GABRP: variants seen among roughly 807,000 people sequenced by gnomAD.
The protein encoded by GABRP is gamma-aminobutyric acid receptor subunit pi.
A neutral mutation model predicts 47.8 loss-of-function variants in GABRP; 52 were observed. The observed-to-expected ratio is 1.09, with a 90% confidence interval of 0.87 to 1.37. The LOEUF is 1.37. GABRP is among the 40% of genes most tolerant of loss of function. The pLI is 0.00. For synonymous variants in GABRP, 221 were observed against 205.8 expected (o/e 1.07, Z -0.63); for missense variants, 525 against 542.8 (o/e 0.97, Z 0.33).
intron 9 of GABRP, among the ~76,000 whole-genome samples, chr5:170,811,042 A>G (rs1765869475): frequency 6.6e-6 from 1 of 151,530 alleles, no homozygotes; most frequent in Non-Finnish European, 1.5e-5. Context: ...TGTGTATATG[A>G]TAATCACTGC....
At chr5:170,788,359 AAAATT>A in intron 1 of GABRP, 1 of 404,108 alleles carries the variant, frequency 2.5e-6, no homozygotes, top group Non-Finnish European at 4.2e-6. Context: ...AAAAAAATAA[AAAATT>A]AAAAAAAAAA....
intron 3 of GABRP, among the ~76,000 whole-genome samples, chr5:170,792,365 C>A (rs555141969): frequency 2.3e-4 from 35 of 151,980 alleles, no homozygotes; most frequent in African/African-American, 8.4e-4. Flanking sequence ...TCACTTGAAT[C>A]CAGGAGGCAG....
At chr5:170,804,206 AT>A (rs1765669365) in intron 6 of GABRP, among the ~76,000 whole-genome samples, 1 of 128,948 alleles carries the variant, frequency 7.8e-6, no homozygotes, top group Non-Finnish European at 1.6e-5. Context: ...ATATATATAT[AT>A]ATATTCATGT....
chr5:170,807,581 C>T (rs770380596), intron 7 of GABRP, among the ~76,000 whole-genome samples: 27 of 152,068 alleles, frequency 1.8e-4, no homozygotes, highest in African/African-American at 2.4e-4. Flanking sequence ...CCTGGACCAA[C>T]GGGCAAAAGA....
intron 1 of GABRP, 200 bp from the exon 2 acceptor site, chr5:170,788,374 A>AC: frequency 2.4e-6 from 1 of 418,938 alleles, no homozygotes; most frequent in Non-Finnish European, 4.2e-6. Context: ...TAAAAAAAAA[A>AC]AAAACATAAT....
At chr5:170,795,171 C>A (rs903769000) in intron 4 of GABRP, 37 bp from the exon 5 acceptor site, 1 of 1,468,446 alleles carries the variant, frequency 6.8e-7, no homozygotes, top group Admixed American at 1.7e-5. Flanking sequence ...TCACCCACTA[C>A]CCCCATCCAT....
chr5:170,792,730 A>G (rs1765308887), intron 3 of GABRP, among the ~76,000 whole-genome samples: 1 of 152,030 alleles, frequency 6.6e-6, no homozygotes, highest in African/African-American at 2.4e-5. Context: ...TGGCTCTAAC[A>G]CTTCATTTTC....
chr5:170,800,694 C>T (rs1049126604), intron 6 of GABRP, among the ~76,000 whole-genome samples: 2 of 152,060 alleles, frequency 1.3e-5, no homozygotes, highest in East Asian at 3.9e-4. Flanking sequence ...GCCTATAATC[C>T]CAGCACTTTG....
rs116424549 is a variant in GABRP at position 170,794,371 on chromosome 5, C to T, written c.240+73C>T. On this transcript the variant is annotated intron_variant, in intron 4 of 9. Coordinates refer to ENST00000265294, the MANE Select transcript of GABRP (RefSeq NM_014211.3). ...GTTTAAAGGGGATATGCTTTCTAGCCGCTCAAAAAAAAAAAAAAAAAAAAA... is the reference window on the plus strand; with the variant it reads ...GTTTAAAGGGGATATGCTTTCTAGCTGCTCAAAAAAAAAAAAAAAAAAAAA... 5.3e-4 allele frequency: 338 copies of T among 637,082 alleles called. 2 individuals are homozygous for T. The African/African-American group carries it at 7.6e-3, about 14-fold the overall frequency. 39.5% of individuals were successfully genotyped at this position (637,082 alleles called of 1,614,324 possible).
rs761569989 is a variant in GABRP, at chr5:170,811,957, G to T, written c.1022G>T (p.Gly341Val). The change falls in exon 10 of 10, where the codon GGG (glycine) becomes GTG (valine). Residue 341 changes from glycine (G) to valine (V), a missense_variant and splice_region_variant. Physicochemically the swap from Gly to Val is moderately radical, Grantham distance 109. Transcript: ENST00000265294. ...SLQQMAAKDR[G>V]TTKEVEEVSI... ...CTAACTGCATTGTCTATGAACTAGG[G>T]GACAACAAAGGAAGTAGAAGAAGTC... 6 of 1,612,868 alleles carry T rather than the reference G, an allele frequency of 3.7e-6. No individual in the cohort carries two copies. The South Asian group carries it at 6.6e-5, about 18-fold the overall frequency.
intron 7 of GABRP, among the ~76,000 whole-genome samples, chr5:170,806,630 A>G (rs1765744262): frequency 6.6e-6 from 1 of 151,958 alleles, no homozygotes; most frequent in African/African-American, 2.4e-5. Flanking sequence ...TTTGGTAGAG[A>G]GGGGTTTCGC....
intron 7 of GABRP, among the ~76,000 whole-genome samples, chr5:170,806,230 G>A (rs1413294614): frequency 2.6e-5 from 4 of 152,142 alleles, no homozygotes; most frequent in Non-Finnish European, 5.9e-5. Context: ...TGCCCAACAA[G>A]AGCATGAACA....
chr5:170,789,508 C>T (rs528267016), intron 3 of GABRP, among the ~76,000 whole-genome samples: 4 of 152,138 alleles, frequency 2.6e-5, no homozygotes, highest in Non-Finnish European at 4.4e-5. Flanking sequence ...CACACACTGT[C>T]GTCCTCCTGC....
intron 5 of GABRP, among the ~76,000 whole-genome samples, chr5:170,797,216 T>A (rs1765455266): frequency 6.6e-6 from 1 of 152,270 alleles, no homozygotes; most frequent in African/African-American, 2.4e-5. Flanking sequence ...TGTTCTGTGA[T>A]ACTGCCAGAA....
At position 170,795,214 on chromosome 5, in the gene GABRP, A is replaced by T. The variant is rs1246004297; in HGVS notation, c.247A>T (p.Thr83Ser). ...SSISESNMDY[T>S]ATIYLRQRWM... ...CCCTGCCTCCCCCTCCCAGGACTAC[A>T]CAGCCACCATATACCTCCGACAGCG... Residue 83 changes from threonine to serine, a missense_variant, in exon 5 of 10, where the codon ACA becomes TCA. Thr to Ser is a moderately conservative substitution (Grantham distance 58). Coordinates refer to ENST00000265294, the MANE Select transcript of GABRP (RefSeq NM_014211.3). 2.9e-5 allele frequency: 47 copies of T among 1,612,162 alleles called. No individual in the cohort carries two copies. The highest frequency in any genetic ancestry group is 3.6e-5 in the Non-Finnish European group (43 of 1,179,322).
chr5:170,808,672 T>C lies in GABRP; in HGVS notation c.752T>C (p.Val251Ala). ...CTGTATTTCATTTTGGAAACCTACG[T>C]TCCTTCCACTTTCCTGGTGGTGTTG... is the stretch of plus-strand genomic sequence containing the variant. ...NVLYFILETY[V>A]PSTFLVVLSW... is the part of the protein sequence containing the mutation. Residue 251 changes from valine (V) to alanine (A), a missense_variant, in exon 8 of 10, where the codon GTT becomes GCT. Physicochemically the swap from Val to Ala is moderately conservative, Grantham distance 64 (BLOSUM62 0). Coordinates refer to ENST00000265294, the MANE Select transcript of GABRP (RefSeq NM_014211.3). 1 of 1,614,022 alleles carries C rather than the reference T, an allele frequency of 6.2e-7. No individual in the cohort carries two copies. The highest frequency in any genetic ancestry group is 8.5e-7 in the Non-Finnish European group (1 of 1,179,852).
At chr5:170,807,230 G>A (rs10061513) in intron 7 of GABRP, among the ~76,000 whole-genome samples, 31,627 of 152,200 alleles carry the variant, frequency 0.21, 3,507 homozygotes, top group East Asian at 0.27. Context: ...TTACAGACAT[G>A]AGCCACCAAG....
At position 170,795,228 on chromosome 5, in the gene GABRP, C is replaced by T; in HGVS notation, c.261C>T (p.Tyr87=). 1 of 1,613,400 alleles carries T rather than the reference C, an allele frequency of 6.2e-7. No homozygotes were observed. Residue 87 remains tyrosine, a synonymous_variant, in exon 5 of 10, where the codon TAC becomes TAT. Transcript: ENST00000265294. The part of the protein sequence containing the change: ...ESNMDYTATI[Y]LRQRWMDQRL... ...CCCAGGACTACACAGCCACCATATACCTCCGACAGCGCTGGATGGACCAGC... is the reference window on the plus strand; with the variant it reads ...CCCAGGACTACACAGCCACCATATATCTCCGACAGCGCTGGATGGACCAGC...
intron 3 of GABRP, among the ~76,000 whole-genome samples, chr5:170,792,902 A>G (rs1048161610): frequency 3.3e-5 from 5 of 152,058 alleles, no homozygotes; most frequent in African/African-American, 1.2e-4. Flanking sequence ...CCCGGGGGTT[A>G]TTTATTGCAA....
Sources: gnomAD v4.1 joint callset for allele counts (sites outside exome capture counted in the v4.1 genomes callset) on GRCh38, gnomAD v4.1.1 for gene constraint, MANE v1.5 for transcripts, NCBI Gene and HGNC (gene_info 2026-07-23, HGNC 2026-07-21) for gene names.